CCDC88B: variants seen among roughly 807,000 people sequenced by gnomAD.
CCDC88B encodes coiled-coil domain-containing protein 88B.
CCDC88B carries 138 observed loss-of-function variants against 183.7 expected under a neutral mutation model. The observed-to-expected ratio is 0.75, with a 90% CI of 0.65 to 0.87. The LOEUF is 0.87. Among genes scored for constraint, CCDC88B ranks in the 40% least tolerant of loss-of-function variants. The probability of loss-of-function intolerance (pLI) is 0.00; values close to 1 mark genes in which losing one functional copy is unlikely to be tolerated. For synonymous variants in CCDC88B, 835 were observed against 867.5 expected (o/e 0.96, Z 0.66); for missense variants, 1,822 against 1,965.6 (o/e 0.93, Z 1.38).
In CCDC88B at chr11:64,344,737, G is replaced by A; in HGVS notation, c.2196G>A (p.Glu732=). ...TCGCAGAGCAGGAGGCCCTCAGGGAGGAGGTGGCACAGTTGAGGAGAAAGG... is the reference window on the plus strand; with the variant it reads ...TCGCAGAGCAGGAGGCCCTCAGGGAAGAGGTGGCACAGTTGAGGAGAAAGG... ...SGVAEQEALR[E]EVAQLRRKAE... Residue 732 remains glutamate (E), a synonymous_variant, in exon 14 of 27, where the codon GAG becomes GAA. Coordinates refer to ENST00000356786, the MANE Select transcript of CCDC88B (RefSeq NM_032251.6). This position sits in a 1 kb window ranked among gnomAD's most constrained non-coding sequence, Gnocchi z 4.5. The A allele has an allele frequency of 6.2e-7, 1 of 1,614,144 alleles. No individual in the cohort carries two copies. Among genetic ancestry groups the A allele is most frequent in the Non-Finnish European group, 8.5e-7 (1 of 1,180,024 alleles).
chr11:64,352,705 T>C, intron 19 of CCDC88B, 39 bp from the exon 20 acceptor site: 1 of 1,612,470 alleles, frequency 6.2e-7, no homozygotes, highest in Non-Finnish European at 8.5e-7. Flanking sequence ...GTGGTGGCCA[T>C]AGGTTCACAC....
intron 7 of CCDC88B, 95 bp downstream of exon 7, chr11:64,341,837 GCATGGGGTTGTGGTCTGAGGT>G: frequency 6.7e-7 from 1 of 1,493,708 alleles, no homozygotes; most frequent in Non-Finnish European, 8.9e-7. Context: ...TGGGGCCCAG[GCATGGGGTTGTGGTCTGAGGT>G]CTTGGGCCAT....
Position 64,351,628 on chromosome 11 carries a change from C to T in CCDC88B, c.3099+12C>T, listed in dbSNP as rs1452085456. 1.3e-6 allele frequency: 2 copies of T among 1,553,226 alleles called. No individual in the cohort carries two copies. The highest frequency in any genetic ancestry group is 1.7e-6 in the Non-Finnish European group (2 of 1,157,286). On this transcript the variant is annotated intron_variant, in intron 18 of 26. Transcript: ENST00000356786. Reference sequence around the variant, plus strand: ...GCAGCCGCCTGCAGGTGGGTGGTGGCCCGGGTGCCCATCCCTGCCCATGTA... The same window carrying T: ...GCAGCCGCCTGCAGGTGGGTGGTGGTCCGGGTGCCCATCCCTGCCCATGTA...
At position 64,344,174 on chromosome 11, in the gene CCDC88B, G is replaced by A. The variant is rs762755580; in HGVS notation, c.1633G>A (p.Ala545Thr). 2 of 1,612,820 alleles carry A rather than the reference G, an allele frequency of 1.2e-6. No individual in the cohort carries two copies. The highest frequency in any genetic ancestry group is 2.2e-5 in the South Asian group (2 of 90,982). ...PALDSVLEAS[A>T]ECPQAPDSDP... ...ATTAGACTCAGTGCTCGAGGCATCA[G>A]CTGAGTGTCCCCAGGCACCTGATTC... Residue 545 changes from alanine (A) to threonine (T), a missense_variant, in exon 14 of 27, where the codon GCT becomes ACT. By Grantham distance (58) the Ala-to-Thr change is moderately conservative. Coordinates refer to ENST00000356786, the MANE Select transcript of CCDC88B (RefSeq NM_032251.6). This position sits in a 1 kb window ranked among gnomAD's most constrained non-coding sequence, Gnocchi z 4.5.
Position 64,341,738 on chromosome 11 carries a change from C to A in CCDC88B, c.671C>A (p.Ala224Asp). 1 of 1,564,726 alleles carries A rather than the reference C, an allele frequency of 6.4e-7. No homozygotes were observed. Among genetic ancestry groups the A allele is most frequent in the South Asian group, 1.2e-5 (1 of 83,274 alleles). ...CTGGCACGGGAGCGTGACCTGGGGG[C>A]CCAGGTAGGGGCAGCAGGGGCATCG... ...SKLARERDLGAQRLAELLLER... is the reference protein window; with the variant it reads ...SKLARERDLGDQRLAELLLER... Residue 224 changes from alanine to aspartate, a missense_variant, in exon 7 of 27, where the codon GCC becomes GAC. Transcript: ENST00000356786.
In CCDC88B at chr11:64,352,668, G is replaced by A. The variant is rs1466282297; in HGVS notation, c.3357-76G>A. On this transcript the variant is annotated intron_variant, in intron 19 of 26. Transcript: ENST00000356786. ...AGGAGGTGACAGACCCCCCCGCCCC[G>A]GGTCCAGATAGTCCAGCCAGCTGCT... is the stretch of plus-strand genomic sequence containing the variant. 35 of 1,591,984 alleles carry A rather than the reference G, an allele frequency of 2.2e-5. No individual in the cohort carries two copies. In the Admixed American group the frequency reaches 2.2e-4, roughly 10 times the overall value.
At position 64,353,738 on chromosome 11, in the gene CCDC88B, G is replaced by A. The variant is rs199590555; in HGVS notation, c.3857G>A (p.Arg1286His). Reference protein sequence around the residue: ...EYLDQLNALRREKQKLVEKIM... With the variant: ...EYLDQLNALRHEKQKLVEKIM... ...AGGGACCAGCTTAATGCCCTGCGCC[G>A]CGAGAAGCAGAAGCTCGTGGAGAAG... is the stretch of plus-strand genomic sequence containing the variant. The change falls in exon 23 of 27, where the codon CGC becomes CAC. Residue 1286 changes from arginine (R) to histidine (H), a missense_variant. Physicochemically the swap from Arg to His is conservative, Grantham distance 29 (BLOSUM62 0). Coordinates refer to ENST00000356786, the MANE Select transcript of CCDC88B (RefSeq NM_032251.6). 7 of 1,614,088 alleles carry A rather than the reference G, an allele frequency of 4.3e-6. No individual in the cohort carries two copies. Among genetic ancestry groups the A allele is most frequent in the East Asian group, 4.5e-5 (2 of 44,886 alleles).
chr11:64,345,950 A>G (rs1278693729), intron 14 of CCDC88B, among the ~76,000 whole-genome samples: 1 of 152,214 alleles, frequency 6.6e-6, no homozygotes, highest in Admixed American at 6.5e-5. Context: ...GGTTGCAGTG[A>G]GCTGAGATTG....
At chr11:64,342,167 CTG>C (rs1437143764) in intron 8 of CCDC88B, 28 bp downstream of exon 8, 1 of 1,602,532 alleles carries the variant, frequency 6.2e-7, no homozygotes, top group Non-Finnish European at 8.5e-7. Context: ...GGGAAGGGGA[CTG>C]AGTGGAGAGG....
Position 64,343,331 on chromosome 11 carries a change from G to C in CCDC88B, c.1209+6G>C, listed in dbSNP as rs1183672581. 1.8e-5 allele frequency: 28 copies of C among 1,549,874 alleles called. No individual in the cohort carries two copies. In the East Asian group the frequency reaches 6.3e-4, roughly 35 times the overall value. On this transcript the variant is annotated splice_donor_region_variant and intron_variant, in intron 11 of 26. Coordinates refer to ENST00000356786, the MANE Select transcript of CCDC88B (RefSeq NM_032251.6). ...GGCTGGGCGAGGCCCATGCGGTAAG[G>C]TAGCCAGAGTGATCCCACTTGGGTT... is the stretch of plus-strand genomic sequence containing the variant.
Position 64,353,344 on chromosome 11 carries a change from CT to C in CCDC88B, c.3688-6del. 1 of 1,612,892 alleles carries C rather than the reference CT, an allele frequency of 6.2e-7. No homozygotes were observed. The highest frequency in any genetic ancestry group is 8.5e-7 in the Non-Finnish European group (1 of 1,179,596). On this transcript the variant is annotated splice_region_variant and splice_polypyrimidine_tract_variant and intron_variant, in intron 21 of 26. Transcript: ENST00000356786. ...CCACCCTCCGAGCCATGGTGCCCCC[CT>C]GCCAGCTATTGACACAGCTGCGAAG...
At position 64,341,623 on chromosome 11, in the gene CCDC88B, G is replaced by A. The variant is rs1189867507; in HGVS notation, c.556G>A (p.Val186Met). Residue 186 changes from valine (V) to methionine (M), a missense_variant, in exon 7 of 27, where the codon GTG becomes ATG. Transcript: ENST00000356786. ...GGTGACCCAGCCGGGGGCCGGCGTGGTGCTGGCACTGTCTGGGCCAGATCC... is the reference window on the plus strand; with the variant it reads ...GGTGACCCAGCCGGGGGCCGGCGTGATGCTGGCACTGTCTGGGCCAGATCC... ...QEVTQPGAGV[V>M]LALSGPDPGE... 1.2e-6 allele frequency: 2 copies of A among 1,604,118 alleles called. No individual in the cohort carries two copies. Among genetic ancestry groups the A allele is most frequent in the Non-Finnish European group, 1.7e-6 (2 of 1,175,130 alleles).
chr11:64,347,305 G>A (rs2036152046), intron 14 of CCDC88B, among the ~76,000 whole-genome samples: 1 of 152,218 alleles, frequency 6.6e-6, no homozygotes, highest in Non-Finnish European at 1.5e-5. Flanking sequence ...GGCAAAGTGA[G>A]CAAAGTGGTC....
Position 64,344,355 on chromosome 11 carries a change from C to G in CCDC88B, c.1814C>G (p.Ala605Gly). 6.3e-7 allele frequency: 1 copy of G among 1,594,524 alleles called. No individual in the cohort carries two copies. The highest frequency in any genetic ancestry group is 8.5e-7 in the Non-Finnish European group (1 of 1,172,084). ...RSSLQSPASV[A>G]PPQGPGTKIQ... is the part of the protein sequence containing the mutation. Reference sequence around the variant, plus strand: ...TCTCTCCAGAGCCCTGCCTCTGTGGCCCCACCTCAGGGTCCAGGGACCAAA... The same window carrying G: ...TCTCTCCAGAGCCCTGCCTCTGTGGGCCCACCTCAGGGTCCAGGGACCAAA... The change falls in exon 14 of 27, where the codon GCC becomes GGC. Residue 605 changes from alanine (A) to glycine (G), a missense_variant. By Grantham distance (60) the Ala-to-Gly change is moderately conservative. Coordinates refer to ENST00000356786, the MANE Select transcript of CCDC88B (RefSeq NM_032251.6). This position sits in a 1 kb window ranked among gnomAD's most constrained non-coding sequence, Gnocchi z 4.5.
intron 14 of CCDC88B, among the ~76,000 whole-genome samples, chr11:64,347,635 G>A (rs1436974901): frequency 2.6e-5 from 4 of 152,190 alleles, no homozygotes; most frequent in African/African-American, 9.6e-5. Flanking sequence ...TCCACTCTGT[G>A]GGGTGTGGCT....
Position 64,342,158 on chromosome 11 carries a change from G to T in CCDC88B, c.821+19G>T, listed in dbSNP as rs1200173758. The T allele has an allele frequency of 1.2e-6, 2 of 1,605,446 alleles. No homozygotes were observed. Among genetic ancestry groups the T allele is most frequent in the Non-Finnish European group, 1.7e-6 (2 of 1,177,112 alleles). ...AGGAGCTGTGAGTGTGCGCAGCCTGGGAAGGGGACTGAGTGGAGAGGGGCA... is the reference window on the plus strand; with the variant it reads ...AGGAGCTGTGAGTGTGCGCAGCCTGTGAAGGGGACTGAGTGGAGAGGGGCA... On this transcript the variant is annotated intron_variant, in intron 8 of 26. Transcript: ENST00000356786.
chr11:64,342,655 C>A lies in CCDC88B; in HGVS notation c.1037C>A (p.Ala346Asp). The change falls in exon 10 of 27, where the codon GCT becomes GAT. Residue 346 changes from alanine (A) to aspartate (D), a missense_variant. Ala to Asp is a moderately radical substitution (Grantham distance 126). Transcript: ENST00000356786. ...LRRCRERLQA[A>D]EAYKSQLEEE... ...CGCTGCCGCGAGCGGCTGCAGGCGG[C>A]TGAGGCCTACAAGAGTCAGCTGGAG... 1 of 1,516,542 alleles carries A rather than the reference C, an allele frequency of 6.6e-7. No individual in the cohort carries two copies. Among genetic ancestry groups the A allele is most frequent in the South Asian group, 1.2e-5 (1 of 81,584 alleles). 93.9% of individuals were successfully genotyped at this position (1,516,542 alleles called of 1,614,324 possible). A position where few individuals can be genotyped will look rare whatever the true frequency, so the allele number is the denominator to read the frequency against.
chr11:64,348,790 A>G, intron 14 of CCDC88B: 2 of 566,124 alleles, frequency 3.5e-6, no homozygotes, highest in Non-Finnish European at 6.3e-6. Context: ...TCTCCTTCCA[A>G]AGTGGTGCAG....
rs2036450112 is a variant in CCDC88B at position 64,354,097 on chromosome 11, G to A, written c.4026G>A (p.Gly1342=). ...GGGGGCTGCGCCTGGGGGCCGATGG[G>A]GCTGGCAGCACCGAGAGCCTGGGGG... ...PPGGLRLGAD[G]AGSTESLGGP... is the part of the protein sequence containing the mutation. Residue 1342 remains glycine, a synonymous_variant, in exon 24 of 27, where the codon GGG becomes GGA. Transcript: ENST00000356786. 1.4e-6 allele frequency: 2 copies of A among 1,408,078 alleles called. No individual in the cohort carries two copies. The highest frequency in any genetic ancestry group is 1.9e-6 in the Non-Finnish European group (2 of 1,075,182). The allele number at this position is 1,408,078 out of a possible 1,614,324, so 87.2% of individuals were successfully genotyped here.
Sources: gnomAD v4.1 joint callset for allele counts (sites outside exome capture counted in the v4.1 genomes callset) on GRCh38, gnomAD v4.1.1 for gene constraint, Gnocchi (gnomAD v3.1) non-coding constraint, MANE v1.5 for transcripts, NCBI Gene and HGNC (gene_info 2026-07-23, HGNC 2026-07-21) for gene names.